C16orf92: variants seen among roughly 807,000 people sequenced by gnomAD.
C16orf92 encodes the protein fertilization-influencing membrane protein.
In C16orf92, 14 loss-of-function variants were observed where a neutral mutation model predicts 13.7. The observed-to-expected ratio is 1.02, with a 90% CI of 0.67 to 1.60. The LOEUF is 1.60. C16orf92 is among the 40% of genes most tolerant of loss of function. C16orf92 has a pLI of 0.00. For missense variants in C16orf92, 116 were observed against 139.0 expected (o/e 0.83, Z 0.83); for synonymous variants, 50 against 57.4 (o/e 0.87, Z 0.58).
chr16:30,026,731 C>G (rs1470406619), downstream of C16orf92: 1 of 1,614,110 alleles, frequency 6.2e-7, no homozygotes, highest in African/African-American at 1.3e-5. Context: ...GCTCCGTCGT[C>G]CCCTCCATGC....
At chr16:30,027,532 A>G, downstream of C16orf92, 2 of 453,872 alleles carry the variant, frequency 4.4e-6, no homozygotes, top group South Asian at 3.1e-5. Context: ...GGCAAGTGAG[A>G]GGTCTTGTCA....
downstream of C16orf92, among the ~76,000 whole-genome samples, chr16:30,027,326 A>G (rs4238959): frequency 0.46 from 70,371 of 151,622 alleles, 16,477 homozygotes; most frequent in African/African-American, 0.51. Flanking sequence ...TCCCATGCAT[A>G]GCCTTATTTA....
rs769687421 is a variant in C16orf92, at chr16:30,023,316, G to A, written c.-25G>A. Reference sequence around the variant, plus strand: ...AACAGCTCTGGGCTGTGACATCACAGAGCCCCCACCTCATGATAGGAGTCA... The same window carrying A: ...AACAGCTCTGGGCTGTGACATCACAAAGCCCCCACCTCATGATAGGAGTCA... On this transcript the variant is annotated 5_prime_UTR_variant, in exon 1 of 4. Transcript: ENST00000681219. The A allele has an allele frequency of 2.4e-5, 38 of 1,582,432 alleles. No homozygotes were observed. The highest frequency in any genetic ancestry group is 3.1e-5 in the Non-Finnish European group (36 of 1,163,850).
chr16:30,023,633 G>C (rs762208522), intron 1 of C16orf92, 94 bp from the exon 2 acceptor site: 1 of 1,600,238 alleles, frequency 6.2e-7, no homozygotes, highest in Non-Finnish European at 8.6e-7. Context: ...CAATAAGGCT[G>C]GGTGGTCTCA....
rs148717168 is a variant in C16orf92, at chr16:30,023,560, G to A, written c.64+156G>A. 2.6e-5 allele frequency: 37 copies of A among 1,425,994 alleles called. 1 individual carries two copies. The highest frequency in any genetic ancestry group is 2.0e-4 in the Admixed American group (11 of 54,266). The allele number at this position is 1,425,994 out of a possible 1,614,324, so 88.3% of individuals were successfully genotyped here. ...TGGTCCCACCTACCCCCCAACAACC[G>A]CGAGCCTTGTCGTGGTGCACCCAGC... On this transcript the variant is annotated intron_variant, in intron 1 of 3. Transcript: ENST00000681219.
At chr16:30,027,189 G>T (rs1289015304), downstream of C16orf92, 1 of 472,992 alleles carries the variant, frequency 2.1e-6, no homozygotes, top group Admixed American at 2.3e-5. Context: ...ACCTTGCCAT[G>T]GTTATTTGTC....
At chr16:30,027,641 G>A (rs1054915297), downstream of C16orf92, 1 of 456,000 alleles carries the variant, frequency 2.2e-6, no homozygotes, top group African/African-American at 2.0e-5. Context: ...AGAGCAAAAG[G>A]AGCCAAGGAC....
In C16orf92 at chr16:30,024,317, C is replaced by T. The variant is rs2070988554; in HGVS notation, c.*90C>T. 2 of 1,499,088 alleles carry T rather than the reference C, an allele frequency of 1.3e-6. No homozygotes were observed. Among genetic ancestry groups the T allele is most frequent in the African/African-American group, 1.4e-5 (1 of 71,612 alleles). 92.9% of individuals were successfully genotyped at this position (1,499,088 alleles called of 1,614,324 possible). On this transcript the variant is annotated 3_prime_UTR_variant, in exon 4 of 4. Coordinates refer to ENST00000681219, the MANE Select transcript of C16orf92 (RefSeq NM_001109659.2). ...GCAAAAGTTCCCTGCTTTCCTCCTC[C>T]CTGACTGCCCAGCGAGCAGCTGGGG...
In C16orf92 at chr16:30,023,230, AG is replaced by A. The variant is rs769490378; in HGVS notation, c.-108del. 1.1e-6 allele frequency: 1 copy of A among 892,534 alleles called. No individual in the cohort carries two copies. Among genetic ancestry groups the A allele is most frequent in the Non-Finnish European group, 1.8e-6 (1 of 562,060 alleles). The allele number at this position is 892,534 out of a possible 1,614,324, so 55.3% of individuals were successfully genotyped here. On this transcript the variant is annotated 5_prime_UTR_variant, in exon 1 of 4. An upstream open reading frame in the 5' UTR gains an earlier in-frame stop. Coordinates refer to ENST00000681219, the MANE Select transcript of C16orf92 (RefSeq NM_001109659.2). Reference sequence around the variant, plus strand: ...CTCCTCTCCTCTTCTGATGAGAGTGAGGGATGGGGGAGGGGTCCCAGCTCCT... The same window carrying A: ...CTCCTCTCCTCTTCTGATGAGAGTGAGGATGGGGGAGGGGTCCCAGCTCCT...
downstream of C16orf92, chr16:30,025,309 G>A (rs143442365): frequency 3.1e-5 from 49 of 1,563,526 alleles, no homozygotes; most frequent in Non-Finnish European, 3.7e-5. This position sits in a 1 kb window ranked among gnomAD's most constrained non-coding sequence, Gnocchi z 4.1. Flanking sequence ...CCAGGTTGAC[G>A]TGGGCAGGGA....
Position 30,023,203 on chromosome 16 carries a change from TTCTCC to T in C16orf92, c.-129_-125del, listed in dbSNP as rs2070939874. The T allele has an allele frequency of 2.8e-6, 2 of 710,406 alleles. No individual in the cohort carries two copies. The highest frequency in any genetic ancestry group is 2.8e-5 in the East Asian group (1 of 35,230). The allele number at this position is 710,406 out of a possible 1,614,324, so 44.0% of individuals were successfully genotyped here. A position where few individuals can be genotyped will look rare whatever the true frequency, so the allele number is the denominator to read the frequency against. ...GGGTGAAGACTGGTCCCAACCTCTC[TTCTCC>T]TCTCCTCTTCTGATGAGAGTGAGGG... On this transcript the variant is annotated 5_prime_UTR_variant, in exon 1 of 4. Transcript: ENST00000681219.
chr16:30,027,289 C>T, downstream of C16orf92: 1 of 408,422 alleles, frequency 2.4e-6, no homozygotes, highest in South Asian at 1.7e-5. Flanking sequence ...CCATTCCTGC[C>T]TCCTGGGACA....
chr16:30,026,537 G>C, downstream of C16orf92: 1 of 1,375,182 alleles, frequency 7.3e-7, no homozygotes, highest in Non-Finnish European at 1.0e-6. Context: ...GGCTTCCCAG[G>C]CTCCTGCCAG....
chr16:30,025,085 G>A (rs575302498), downstream of C16orf92: 138 of 816,890 alleles, frequency 1.7e-4, no homozygotes, highest in African/African-American at 1.8e-3. This position sits in a 1 kb window ranked among gnomAD's most constrained non-coding sequence, Gnocchi z 4.1. Context: ...GGGGTTGTCC[G>A]GGCAAGAGGA....
At chr16:30,025,210 C>T (rs1210451505), downstream of C16orf92, 11 of 1,491,124 alleles carry the variant, frequency 7.4e-6, no homozygotes, top group East Asian at 7.4e-5. The surrounding 1 kb of genome is among the most constrained non-coding windows in gnomAD (Gnocchi z 4.1). Flanking sequence ...AGGCCGGGGG[C>T]GGCCGGGAGC....
downstream of C16orf92, chr16:30,026,854 G>C: frequency 6.2e-7 from 1 of 1,611,648 alleles, no homozygotes; most frequent in Non-Finnish European, 8.5e-7. Context: ...CTGTTGGGCA[G>C]AGAGACGGGG....
In C16orf92 at chr16:30,023,222, T is replaced by A. The variant is rs61732599; in HGVS notation, c.-119T>A. The stretch of plus-strand genomic sequence containing the variant: ...CCTCTCTTCTCCTCTCCTCTTCTGA[T>A]GAGAGTGAGGGATGGGGGAGGGGTC... On this transcript the variant is annotated 5_prime_UTR_variant, in exon 1 of 4. It removes an upstream start codon present in the reference 5' UTR. Coordinates refer to ENST00000681219, the MANE Select transcript of C16orf92 (RefSeq NM_001109659.2). The A allele has an allele frequency of 3.6e-3, 2,955 of 828,706 alleles. 60 individuals are homozygous for A. The African/African-American group carries it at 0.045, about 13-fold the overall frequency. The allele number at this position is 828,706 out of a possible 1,614,324, so 51.3% of individuals were successfully genotyped here. A position where few individuals can be genotyped will look rare whatever the true frequency, so the allele number is the denominator to read the frequency against.
chr16:30,024,965 C>T (rs867066683), downstream of C16orf92: 13 of 489,152 alleles, frequency 2.7e-5, no homozygotes, highest in African/African-American at 1.2e-4. Flanking sequence ...CCTCCTCCAG[C>T]GCAAGGGTGT....
downstream of C16orf92, chr16:30,026,588 G>T (rs200158999): frequency 1.9e-6 from 2 of 1,040,616 alleles, no homozygotes; most frequent in East Asian, 2.7e-5. Flanking sequence ...CACCCCGCCC[G>T]CCCAGCTCCC....
Sources: allele counts gnomAD v4.1 joint callset (sites outside exome capture counted in the v4.1 genomes callset), GRCh38; gene constraint gnomAD v4.1.1; non-coding constraint Gnocchi (gnomAD v3.1); transcripts MANE v1.5; gene names NCBI Gene and HGNC (gene_info 2026-07-23, HGNC 2026-07-21).